CNTN1: variants seen among roughly 807,000 people sequenced by gnomAD.
The protein encoded by CNTN1 is contactin 1.
In CNTN1, 38 loss-of-function variants were observed where a neutral mutation model predicts 126.4. That is an observed-to-expected ratio of 0.30 (90% CI 0.23 to 0.39). CNTN1 has a LOEUF of 0.39. CNTN1 is among the 10% of genes least tolerant of loss of function. CNTN1 has a pLI of 1.00. For missense variants in CNTN1, 1,009 were observed against 1,248.4 expected (o/e 0.81, Z 2.89); for synonymous variants, 413 against 422.6 (o/e 0.98, Z 0.28).
intron 3 of CNTN1, among the ~76,000 whole-genome samples, chr12:40,911,080 T>A (rs149165115): frequency 0.014 from 2,197 of 152,094 alleles, 33 homozygotes; most frequent in African/African-American, 0.047. Context: ...CTTTTTAATT[T>A]ATTTATTTAT....
At position 41,070,032 on chromosome 12, in the gene CNTN1, C is replaced by T. The variant is rs754501613; in HGVS notation, c.3054C>T (p.Phe1018=). Residue 1018 remains phenylalanine, a synonymous_variant, in exon 24 of 24, where the codon TTC becomes TTT. Transcript: ENST00000551295. ...PAFGILVYLE[F] ...TTGGCATCCTTGTCTACTTGGAATT[C>T]TGAATGTGTTGTGACAGCTGCTGTT... 1.9e-6 allele frequency: 3 copies of T among 1,613,870 alleles called. No individual in the cohort carries two copies. In the East Asian group the frequency reaches 6.7e-5, roughly 36 times the overall value.
At chr12:40,767,342 T>A (rs7967810) in intron 1 of CNTN1, among the ~76,000 whole-genome samples, 1 of 131,852 alleles carries the variant, frequency 7.6e-6, no homozygotes, top group Non-Finnish European at 1.6e-5. Context: ...GGAGTCTCGC[T>A]CTGTCGCCCA....
At chr12:40,982,062 A>AT (rs1027485618) in intron 16 of CNTN1, among the ~76,000 whole-genome samples, 2 of 152,110 alleles carry the variant, frequency 1.3e-5, no homozygotes, top group Admixed American at 6.6e-5. Flanking sequence ...TTTAATTTAA[A>AT]TTTACTTCTA....
intron 23 of CNTN1, among the ~76,000 whole-genome samples, chr12:41,040,457 T>C (rs1949374027): frequency 6.6e-6 from 1 of 152,020 alleles, no homozygotes; most frequent in Non-Finnish European, 1.5e-5. Context: ...ACGAGGAAAT[T>C]AGGTCAAAGA....
chr12:40,820,003 T>C (rs1565782730), intron 1 of CNTN1, among the ~76,000 whole-genome samples: 1 of 152,204 alleles, frequency 6.6e-6, no homozygotes, highest in African/African-American at 2.4e-5. Flanking sequence ...TAGTCAATTT[T>C]GATGAGAGAA....
At chr12:41,042,345 C>A (rs1949434832) in intron 23 of CNTN1, among the ~76,000 whole-genome samples, 2 of 151,818 alleles carry the variant, frequency 1.3e-5, no homozygotes, top group African/African-American at 4.8e-5. Context: ...ACTGTGTGGT[C>A]AATTTTGGAA....
intron 1 of CNTN1, among the ~76,000 whole-genome samples, chr12:40,739,719 C>T (rs1415168461): frequency 1.3e-5 from 2 of 151,980 alleles, no homozygotes; most frequent in Non-Finnish European, 2.9e-5. Context: ...AGGTTGTTTA[C>T]TACAGGGGTA....
intron 1 of CNTN1, among the ~76,000 whole-genome samples, chr12:40,890,915 C>T (rs183279967): frequency 6.6e-6 from 1 of 152,310 alleles, no homozygotes; most frequent in Admixed American, 6.5e-5. Context: ...CTGTTAGAAA[C>T]TGCCAAACTG....
At chr12:40,731,563 G>A (rs775478921) in intron 1 of CNTN1, among the ~76,000 whole-genome samples, 32 of 151,866 alleles carry the variant, frequency 2.1e-4, no homozygotes, top group Middle Eastern at 3.4e-3. Context: ...TTGCTCGCAG[G>A]GATTTTTATT....
At chr12:40,912,776 A>G (rs1030791356) in intron 3 of CNTN1, among the ~76,000 whole-genome samples, 1 of 152,208 alleles carries the variant, frequency 6.6e-6, no homozygotes, top group Non-Finnish European at 1.5e-5. Flanking sequence ...TTTTCAGTAC[A>G]TATTTCTATC....
chr12:40,971,630 G>A, intron 15 of CNTN1: 2 of 1,488,290 alleles, frequency 1.3e-6, no homozygotes, highest in East Asian at 5.0e-5. Flanking sequence ...CTAGTTCTTA[G>A]AGTATGTTTC....
intron 1 of CNTN1, chr12:40,895,967 CG>C (rs1944398262): frequency 6.6e-6 from 1 of 151,756 alleles, no homozygotes; most frequent in African/African-American, 2.4e-5. Context: ...GGGGTTTCAC[CG>C]TGTTAGCCAA....
chr12:40,987,635 A>G (rs1172729020), intron 16 of CNTN1, among the ~76,000 whole-genome samples: 1 of 152,220 alleles, frequency 6.6e-6, no homozygotes, highest in Admixed American at 6.5e-5. Context: ...TTATATTTAA[A>G]TTTCTGTGTT....
At chr12:40,885,717 T>C (rs1423931946) in intron 1 of CNTN1, among the ~76,000 whole-genome samples, 1 of 152,058 alleles carries the variant, frequency 6.6e-6, no homozygotes, top group Non-Finnish European at 1.5e-5. Flanking sequence ...TTTCAAACAT[T>C]TTTCTTCTCT....
rs964729391 is a variant in CNTN1, at chr12:41,014,401, C to T, written c.2184+103C>T. ...AAATTGAGATGAAAGTGACTGCCTA[C>T]TGCACAAGCAAGAATATATTACTAT... On this transcript the variant is annotated intron_variant, in intron 18 of 23. Transcript: ENST00000551295. 8.9e-5 allele frequency: 101 copies of T among 1,133,638 alleles called. No individual in the cohort carries two copies. The East Asian group carries it at 2.5e-3, about 28-fold the overall frequency. 70.2% of individuals were successfully genotyped at this position (1,133,638 alleles called of 1,614,324 possible). A position where few individuals can be genotyped will look rare whatever the true frequency, so the allele number is the denominator to read the frequency against.
chr12:40,752,342 G>C (rs1201294087), intron 1 of CNTN1, among the ~76,000 whole-genome samples: 1 of 152,052 alleles, frequency 6.6e-6, no homozygotes, highest in African/African-American at 2.4e-5. Flanking sequence ...TCTGTTGCTT[G>C]AGTAGAATCT....
chr12:41,027,999 G>C (rs189523941), intron 22 of CNTN1, 30 bp downstream of exon 22: 2 of 1,441,452 alleles, frequency 1.4e-6, no homozygotes, highest in East Asian at 2.3e-5. Flanking sequence ...ATTAATGTTT[G>C]CAATTCTTGC....
At chr12:40,733,322 G>A (rs1160900837) in intron 1 of CNTN1, among the ~76,000 whole-genome samples, 1 of 151,426 alleles carries the variant, frequency 6.6e-6, no homozygotes, top group Non-Finnish European at 1.5e-5. Flanking sequence ...TAAAAATGAT[G>A]GCTGAAATAC....
chr12:40,800,788 C>A (rs886982482), intron 1 of CNTN1, among the ~76,000 whole-genome samples: 1 of 151,952 alleles, frequency 6.6e-6, no homozygotes, highest in South Asian at 2.1e-4. Flanking sequence ...GAGAATCTCC[C>A]TGGAGAAAGC....
Sources: allele counts gnomAD v4.1 joint callset (sites outside exome capture counted in the v4.1 genomes callset), GRCh38; gene constraint gnomAD v4.1.1; transcripts MANE v1.5; gene names NCBI Gene and HGNC (gene_info 2026-07-23, HGNC 2026-07-21).